The following R3HCC1L variants were observed in gnomAD, a reference collection of about 807,000 sequenced individuals.
The protein encoded by R3HCC1L is R3H domain and coiled-coil containing 1 like, also known as coiled-coil domain-containing protein R3HCC1L.
In R3HCC1L, 51 loss-of-function variants were observed where a neutral mutation model predicts 59.9. The ratio of observed to expected loss-of-function variants is 0.85; its 90% confidence interval spans 0.68 to 1.07. The LOEUF (loss-of-function observed/expected upper bound fraction) is 1.07. Ranked by LOEUF, R3HCC1L falls within the 50% of genes least tolerant of loss-of-function variation. The pLI, the probability that R3HCC1L is intolerant of heterozygous loss-of-function variation, is 0.00. For missense variants in R3HCC1L, 965 were observed against 933.0 expected, an observed-to-expected ratio of 1.03 and a Z score of -0.45; for synonymous variants, 322 against 315.2, an observed-to-expected ratio of 1.02 and a Z score of -0.23.
At chr10:98,168,311 G>T (rs1221367734) in intron 4 of R3HCC1L, among the ~76,000 whole-genome samples, 1 of 152,096 alleles carries the variant, frequency 6.6e-6, no homozygotes, top group South Asian at 2.1e-4. Flanking sequence ...CAGTTAAGTC[G>T]GTGAGCTGTG....
In R3HCC1L at chr10:98,208,597, A is replaced by G. The variant is rs1200948435; in HGVS notation, c.483A>G (p.Ile161Met). The G allele has an allele frequency of 1.9e-6, 3 of 1,614,116 alleles. No individual in the cohort carries two copies. Among genetic ancestry groups the G allele is most frequent in the South Asian group, 2.2e-5 (2 of 91,064 alleles). ...ETTDVTGHERILLSQACLEIS... is the reference protein window; with the variant it reads ...ETTDVTGHERMLLSQACLEIS... ...CGGATGTGACAGGACATGAGAGGATACTTCTTTCACAGGCCTGTTTAGAAA... is the reference window on the plus strand; with the variant it reads ...CGGATGTGACAGGACATGAGAGGATGCTTCTTTCACAGGCCTGTTTAGAAA... Residue 161 changes from isoleucine (I) to methionine (M), a missense_variant, in exon 5 of 10, where the codon ATA becomes ATG. Physicochemically the swap from Ile to Met is conservative, Grantham distance 10. Transcript: ENST00000298999.
chr10:98,166,134 A>C (rs961120813), intron 4 of R3HCC1L, among the ~76,000 whole-genome samples: 11 of 152,180 alleles, frequency 7.2e-5, no homozygotes, highest in African/African-American at 2.7e-4. Context: ...GTACCATTGC[A>C]CTGCAGTCTG....
chr10:98,169,903 T>C (rs9419843), intron 4 of R3HCC1L, among the ~76,000 whole-genome samples: 44,256 of 145,280 alleles, frequency 0.3, 6,592 homozygotes, highest in East Asian at 0.46. Context: ...TTTTTTTTTT[T>C]GGAGTGAGTG....
intron 9 of R3HCC1L, among the ~76,000 whole-genome samples, chr10:98,238,193 C>T (rs1053511923): frequency 6.6e-6 from 1 of 152,158 alleles, no homozygotes; most frequent in Non-Finnish European, 1.5e-5. Flanking sequence ...GCACAGATTT[C>T]AGTGCATATT....
Position 98,197,898 on chromosome 10 carries a change from G to A in R3HCC1L, c.-14-10203G>A, listed in dbSNP as rs377016506. ...GTAACCTTTTCTATATAGTAATGAAGTTATAGAAAAGGAAGTTTTGAGGGT... is the reference window on the plus strand; with the variant it reads ...GTAACCTTTTCTATATAGTAATGAAATTATAGAAAAGGAAGTTTTGAGGGT... On this transcript the variant is annotated intron_variant, in intron 4 of 9. Transcript: ENST00000298999. Among the ~76,000 whole-genome samples, 5 of 152,276 alleles carry A rather than the reference G, an allele frequency of 3.3e-5. No homozygotes were observed. The South Asian group carries it at 1.0e-3, about 32-fold the overall frequency.
At chr10:98,207,482 G>A (rs563208908) in intron 4 of R3HCC1L, among the ~76,000 whole-genome samples, 3 of 152,256 alleles carry the variant, frequency 2.0e-5, no homozygotes, top group Admixed American at 6.5e-5. Flanking sequence ...ACTGCTGGAA[G>A]CAAGGGAAAT....
At chr10:98,161,413 A>G (rs985533362) in intron 2 of R3HCC1L, among the ~76,000 whole-genome samples, 2 of 152,046 alleles carry the variant, frequency 1.3e-5, no homozygotes, top group African/African-American at 4.8e-5. Context: ...TATTAGGAAT[A>G]TTAGCTCTTT....
At chr10:98,184,615 A>G (rs1564661219) in intron 4 of R3HCC1L, among the ~76,000 whole-genome samples, 1 of 152,196 alleles carries the variant, frequency 6.6e-6, no homozygotes, top group African/African-American at 2.4e-5. Context: ...TACGTGACAC[A>G]TGACTGTAGT....
At chr10:98,170,563 C>T (rs1314791237) in intron 4 of R3HCC1L, among the ~76,000 whole-genome samples, 1 of 152,208 alleles carries the variant, frequency 6.6e-6, no homozygotes, top group Admixed American at 6.5e-5. Context: ...TGGCCTCAGG[C>T]AGTACTCCCA....
chr10:98,152,519 C>T (rs1846301302), intron 1 of R3HCC1L, among the ~76,000 whole-genome samples: 1 of 132,410 alleles, frequency 7.6e-6, no homozygotes, highest in African/African-American at 2.5e-5. Context: ...AGCGTCTCTG[C>T]CCGGCCGCCC....
At chr10:98,221,852 G>A (rs1369556947) in intron 5 of R3HCC1L, among the ~76,000 whole-genome samples, 1 of 152,154 alleles carries the variant, frequency 6.6e-6, no homozygotes, top group Non-Finnish European at 1.5e-5. Context: ...GGATTGACTT[G>A]GCGATTCGGG....
At chr10:98,142,493 C>G (rs1367809136) in intron 1 of R3HCC1L, among the ~76,000 whole-genome samples, 2 of 151,964 alleles carry the variant, frequency 1.3e-5, no homozygotes, top group Non-Finnish European at 2.9e-5. Context: ...CAAAAATTAG[C>G]TGGGCATGGT....
chr10:98,139,258 C>A (rs1260975221), intron 1 of R3HCC1L, among the ~76,000 whole-genome samples: 1 of 152,174 alleles, frequency 6.6e-6, no homozygotes, highest in Non-Finnish European at 1.5e-5. Flanking sequence ...AGTAAATGAA[C>A]TAGTGCCAGA....
chr10:98,156,838 A>G (rs917210762), intron 2 of R3HCC1L, among the ~76,000 whole-genome samples: 3 of 152,242 alleles, frequency 2.0e-5, no homozygotes, highest in African/African-American at 7.2e-5. Flanking sequence ...AATGGGTGTA[A>G]GTAGTCTTTG....
chr10:98,225,208 T>C (rs929289807), intron 5 of R3HCC1L, among the ~76,000 whole-genome samples: 2 of 152,186 alleles, frequency 1.3e-5, no homozygotes, highest in African/African-American at 2.4e-5. Flanking sequence ...CCAAAGTACA[T>C]AATCAGTACA....
chr10:98,231,657 A>C lies in R3HCC1L; in HGVS notation c.1931A>C (p.Glu644Ala). The C allele has an allele frequency of 6.2e-7, 1 of 1,611,958 alleles. No individual in the cohort carries two copies. Among genetic ancestry groups the C allele is most frequent in the Admixed American group, 1.7e-5 (1 of 59,800 alleles). Residue 644 changes from glutamate (E) to alanine (A), a missense_variant, in exon 6 of 10, where the codon GAA becomes GCA. Glu to Ala is a moderately radical substitution (Grantham distance 107). Coordinates refer to ENST00000298999, the MANE Select transcript of R3HCC1L (RefSeq NM_001351015.2). ...GACTTTCCCCAAGAATTTCATACTG[A>C]AGACCTTCTACGGGTTTTCTGCAGT... is the stretch of plus-strand genomic sequence containing the variant. Reference protein sequence around the residue: ...IYDFPQEFHTEDLLRVFCSYQ... With the variant: ...IYDFPQEFHTADLLRVFCSYQ...
intron 1 of R3HCC1L, among the ~76,000 whole-genome samples, chr10:98,140,465 C>T (rs1053355996): frequency 2.6e-5 from 4 of 152,012 alleles, no homozygotes; most frequent in African/African-American, 9.7e-5. Flanking sequence ...GAGGGTCAGT[C>T]AGAGACAGAG....
chr10:98,184,292 C>T (rs901577239), intron 4 of R3HCC1L, among the ~76,000 whole-genome samples: 7 of 152,078 alleles, frequency 4.6e-5, no homozygotes, highest in Non-Finnish European at 7.4e-5. Flanking sequence ...AACAGTCATG[C>T]GCCACATAAC....
chr10:98,227,446 G>GA (rs1430345179), intron 5 of R3HCC1L, among the ~76,000 whole-genome samples: 1 of 152,030 alleles, frequency 6.6e-6, no homozygotes, highest in African/African-American at 2.4e-5. Flanking sequence ...CATTTGATGG[G>GA]AAAAGAGACA....
Sources: allele counts gnomAD v4.1 joint callset (sites outside exome capture counted in the v4.1 genomes callset), GRCh38; gene constraint gnomAD v4.1.1; transcripts MANE v1.5; gene names NCBI Gene and HGNC (gene_info 2026-07-23, HGNC 2026-07-21).